The following ERBB4 variants were observed in gnomAD, a reference collection of about 807,000 sequenced individuals.
The protein encoded by ERBB4 is erb-b2 receptor tyrosine kinase 4.
A neutral mutation model predicts 158.0 loss-of-function variants in ERBB4; 42 were observed. That is an observed-to-expected ratio of 0.27 (90% CI 0.21 to 0.34). The LOEUF (loss-of-function observed/expected upper bound fraction) is 0.34, where lower values mean the gene tolerates loss of function less well. ERBB4 is among the 10% of genes least tolerant of loss of function. ERBB4 has a pLI of 1.00. For synonymous variants in ERBB4, 583 were observed against 558.7 expected (o/e 1.04, Z -0.61); for missense variants, 1,333 against 1,624.1 (o/e 0.82, Z 3.08).
rs116108561 is a variant in ERBB4 at position 211,743,951 on chromosome 2, G to A, written c.622+6688C>T. On this transcript the variant is annotated intron_variant, in intron 5 of 27. Transcript: ENST00000342788. ...GGTCATGGTGCTCTAACATCCAGAA[G>A]GATTTAAGGAGAATAAATTCATGAT... Among the ~76,000 whole-genome samples the A allele has an allele frequency of 3.9e-5, 6 of 152,092 alleles. No homozygotes were observed. In the East Asian group the frequency reaches 1.2e-3, roughly 29 times the overall value.
At chr2:211,858,320 A>G (rs2077924210) in intron 3 of ERBB4, among the ~76,000 whole-genome samples, 1 of 152,216 alleles carries the variant, frequency 6.6e-6, no homozygotes, top group African/African-American at 2.4e-5. Flanking sequence ...AGTCCCGTAG[A>G]CAGTTCCATA....
chr2:212,046,528 T>C (rs377314917), intron 2 of ERBB4, among the ~76,000 whole-genome samples: 2 of 152,256 alleles, frequency 1.3e-5, no homozygotes, highest in Non-Finnish European at 2.9e-5. Context: ...TTTCCATTTA[T>C]ATATTTACTA....
At chr2:212,444,639 C>T (rs1239799811) in intron 1 of ERBB4, among the ~76,000 whole-genome samples, 9 of 152,292 alleles carry the variant, frequency 5.9e-5, no homozygotes, top group Admixed American at 5.9e-4. Flanking sequence ...CCAGCCACCT[C>T]CGTCATTGCC....
chr2:211,761,463 TC>T (rs1473770036), intron 4 of ERBB4, among the ~76,000 whole-genome samples: 1 of 152,080 alleles, frequency 6.6e-6, no homozygotes, highest in African/African-American at 2.4e-5. Context: ...AATTATTTTT[TC>T]TTTTTTTTTG....
chr2:211,803,835 A>G (rs1213346199), intron 3 of ERBB4, among the ~76,000 whole-genome samples: 1 of 152,172 alleles, frequency 6.6e-6, no homozygotes, highest in Non-Finnish European at 1.5e-5. Context: ...ACTAGTCTTC[A>G]CAGCTCCTCT....
intron 2 of ERBB4, among the ~76,000 whole-genome samples, chr2:211,968,933 T>C (rs1178086820): frequency 6.6e-6 from 1 of 151,984 alleles, no homozygotes; most frequent in African/African-American, 2.4e-5. Flanking sequence ...CCTATTCAAA[T>C]TGAACCCAAA....
chr2:212,460,996 C>G (rs971142979), intron 1 of ERBB4, among the ~76,000 whole-genome samples: 1 of 152,114 alleles, frequency 6.6e-6, no homozygotes, highest in Non-Finnish European at 1.5e-5. Flanking sequence ...CTGCTACAAT[C>G]ATGGCTGAAA....
At position 212,461,255 on chromosome 2, in the gene ERBB4, A is replaced by T. The variant is rs568965294; in HGVS notation, c.82+77194T>A. Reference sequence around the variant, plus strand: ...TGCACCATGTGCCTGGAAAAGTAGCAGACACTCAAAGCCAGCCTGTGAAAG... The same window carrying T: ...TGCACCATGTGCCTGGAAAAGTAGCTGACACTCAAAGCCAGCCTGTGAAAG... On this transcript the variant is annotated intron_variant, in intron 1 of 27. Coordinates refer to ENST00000342788, the MANE Select transcript of ERBB4 (RefSeq NM_005235.3). 2.0e-5 allele frequency among the ~76,000 whole-genome samples: 3 copies of T among 152,310 alleles called. No individual in the cohort carries two copies. The South Asian group carries it at 6.2e-4, about 32-fold the overall frequency.
intron 16 of ERBB4, 44 bp from the exon 17 acceptor site, chr2:211,630,638 G>C (rs2125873667): frequency 6.5e-7 from 1 of 1,542,986 alleles, no homozygotes; most frequent in Non-Finnish European, 8.9e-7. Flanking sequence ...AGTATGAAGA[G>C]AGAGAAGACA....
At chr2:212,404,899 G>A (rs1311820177) in intron 1 of ERBB4, among the ~76,000 whole-genome samples, 1 of 151,954 alleles carries the variant, frequency 6.6e-6, no homozygotes, top group Non-Finnish European at 1.5e-5. Context: ...GAAAACATGT[G>A]GTATTTGGCT....
In ERBB4 at chr2:212,399,265, C is replaced by A. The variant is rs796941183; in HGVS notation, c.82+139184G>T. Among the ~76,000 whole-genome samples, 13 of 151,834 alleles carry A rather than the reference C, an allele frequency of 8.6e-5. 1 individual carries two copies. The highest frequency in any genetic ancestry group is 3.1e-4 in the African/African-American group (13 of 41,440). On this transcript the variant is annotated intron_variant, in intron 1 of 27. Transcript: ENST00000342788. ...GCCCATATTGTTCATTCTAAACATT[C>A]TATATTAAGATCTATATTATTTACC...
At position 212,269,089 on chromosome 2, in the gene ERBB4, A is replaced by G. The variant is rs189329015; in HGVS notation, c.83-144186T>C. ...GCACATGATGTGCAATGGAAAATAA[A>G]CACAAATGGGTACTTGAAAGAGAGA... On this transcript the variant is annotated intron_variant, in intron 1 of 27. Coordinates refer to ENST00000342788, the MANE Select transcript of ERBB4 (RefSeq NM_005235.3). Among the ~76,000 whole-genome samples, 6 of 152,004 alleles carry G rather than the reference A, an allele frequency of 3.9e-5. No individual in the cohort carries two copies. In the East Asian group the frequency reaches 1.2e-3, roughly 29 times the overall value.
chr2:211,923,060 T>C (rs189138904), intron 3 of ERBB4, among the ~76,000 whole-genome samples: 15 of 152,266 alleles, frequency 9.9e-5, no homozygotes, highest in African/African-American at 3.6e-4. Context: ...ACGTAAATTA[T>C]AGGTGTACAT....
chr2:212,403,090 T>C (rs1022816646), intron 1 of ERBB4, among the ~76,000 whole-genome samples: 1 of 152,088 alleles, frequency 6.6e-6, no homozygotes, highest in Non-Finnish European at 1.5e-5. Context: ...TCTCAAGAAA[T>C]TCAAATTTCA....
At chr2:212,240,668 CAGAAAAAAA>C (rs2084067070) in intron 1 of ERBB4, among the ~76,000 whole-genome samples, 1 of 67,692 alleles carries the variant, frequency 1.5e-5, no homozygotes, top group Admixed American at 1.5e-4. Flanking sequence ...AAAAAAAAAA[CAGAAAAAAA>C]AGAAAAAAGG....
At chr2:212,396,095 TA>T (rs1460425883) in intron 1 of ERBB4, among the ~76,000 whole-genome samples, 1 of 152,204 alleles carries the variant, frequency 6.6e-6, no homozygotes, top group Non-Finnish European at 1.5e-5. Context: ...TTCTGATTTT[TA>T]AGCGTGTGCT....
At chr2:212,412,576 A>G (rs1018787770) in intron 1 of ERBB4, among the ~76,000 whole-genome samples, 44 of 152,162 alleles carry the variant, frequency 2.9e-4, no homozygotes, top group Non-Finnish European at 8.8e-5. Context: ...CTGTGAACCA[A>G]TTAAACCTCT....
rs141214400 is a variant in ERBB4 at position 212,345,727 on chromosome 2, C to G, written c.82+192722G>C. Reference sequence around the variant, plus strand: ...GTTAAGAAATTAGGTAAAATGAAAACTTTATCAAAGTTGATTTTAACTGGC... The same window carrying G: ...GTTAAGAAATTAGGTAAAATGAAAAGTTTATCAAAGTTGATTTTAACTGGC... On this transcript the variant is annotated intron_variant, in intron 1 of 27. Transcript: ENST00000342788. Among the ~76,000 whole-genome samples the G allele has an allele frequency of 5.2e-3, 792 of 152,024 alleles. 4 individuals are homozygous for G. Among genetic ancestry groups the G allele is most frequent in the Middle Eastern group, 0.02 (6 of 294 alleles).
chr2:212,019,781 A>G (rs1575525682), intron 2 of ERBB4, among the ~76,000 whole-genome samples: 2 of 149,992 alleles, frequency 1.3e-5, no homozygotes, highest in East Asian at 1.9e-4. Context: ...AAAAAAGGAA[A>G]GAAAGAAAAG....
Sources: gnomAD v4.1 joint callset for allele counts (sites outside exome capture counted in the v4.1 genomes callset) on GRCh38, gnomAD v4.1.1 for gene constraint, MANE v1.5 for transcripts, NCBI Gene and HGNC (gene_info 2026-07-23, HGNC 2026-07-21) for gene names.